The following ZNF689 variants were observed in gnomAD, a reference collection of about 807,000 sequenced individuals.
ZNF689 encodes zinc finger protein 689.
Under a neutral mutation model 37.2 loss-of-function variants are expected in ZNF689, and 14 were observed. That is an observed-to-expected ratio of 0.38 (90% confidence interval 0.25 to 0.59). The LOEUF (loss-of-function observed/expected upper bound fraction) is 0.59. Ranked by LOEUF, ZNF689 falls within the 20% of genes least tolerant of loss-of-function variation. ZNF689 has a pLI of 0.68. For synonymous variants in ZNF689, 277 were observed against 283.3 expected (o/e 0.98, Z 0.22); for missense variants, 573 against 700.2 (o/e 0.82, Z 2.05).
rs200344335 is a variant in ZNF689 at position 30,610,057 on chromosome 16, G to C, written c.-16C>G. On this transcript the variant is annotated 5_prime_UTR_variant, in exon 1 of 3. Coordinates refer to ENST00000287461, the MANE Select transcript of ZNF689 (RefSeq NM_138447.3). ...GTGGCGCCATGGGACCCGAGAAGCC[G>C]GCGCCACGGCCTTCCGTGTCCAGGC... The C allele has an allele frequency of 3.0e-4, 477 of 1,570,142 alleles. No homozygotes were observed. In the Middle Eastern group the frequency reaches 3.6e-3, roughly 12 times the overall value.
At position 30,605,096 on chromosome 16, in the gene ZNF689, T is replaced by C; in HGVS notation, c.671A>G (p.Gln224Arg). Residue 224 changes from glutamine (Q) to arginine (R), a missense_variant, in exon 3 of 3, where the codon CAG (glutamine) becomes CGG (arginine). Physicochemically the swap from Gln to Arg is conservative, Grantham distance 43. Coordinates refer to ENST00000287461, the MANE Select transcript of ZNF689 (RefSeq NM_138447.3). This position sits in a 1 kb window ranked among gnomAD's most constrained non-coding sequence, Gnocchi z 5.1. ...GGGCTTCTCCCCTGTATGGATGACCTGGTGCTGGGAGAGGTTCTTGCGCTG... is the reference window on the plus strand; with the variant it reads ...GGGCTTCTCCCCTGTATGGATGACCCGGTGCTGGGAGAGGTTCTTGCGCTG... ...FSQRKNLSQH[Q>R]VIHTGEKPYH... 1 of 1,614,036 alleles carries C rather than the reference T, an allele frequency of 6.2e-7. No individual in the cohort carries two copies. Among genetic ancestry groups the C allele is most frequent in the Non-Finnish European group, 8.5e-7 (1 of 1,180,006 alleles).
In ZNF689 at chr16:30,605,063, C is replaced by A; in HGVS notation, c.704G>T (p.Cys235Phe). Residue 235 changes from cysteine to phenylalanine, a missense_variant, in exon 3 of 3, where the codon TGC becomes TTC. This residue lies in a region of ZNF689 where 252 missense variants were observed against 313.3 expected (regional missense o/e 0.80). Coordinates refer to ENST00000287461, the MANE Select transcript of ZNF689 (RefSeq NM_138447.3). The surrounding 1 kb of genome is among the most constrained non-coding windows in gnomAD (Gnocchi z 5.1). Reference sequence around the variant, plus strand: ...CCGGAAGCAGCGACCACAGTCAGGGCAGTGATAGGGCTTCTCCCCTGTATG... The same window carrying A: ...CCGGAAGCAGCGACCACAGTCAGGGAAGTGATAGGGCTTCTCCCCTGTATG... ...VIHTGEKPYH[C>F]PDCGRCFRRS... The A allele has an allele frequency of 1.9e-6, 3 of 1,613,964 alleles. No individual in the cohort carries two copies. The highest frequency in any genetic ancestry group is 2.5e-6 in the Non-Finnish European group (3 of 1,179,894).
chr16:30,605,959 A>G lies in ZNF689; in HGVS notation c.320-512T>C, dbSNP rs2052032472. Among the ~76,000 whole-genome samples the G allele has an allele frequency of 6.6e-6, 1 of 152,092 alleles. No individual in the cohort carries two copies. Among genetic ancestry groups the G allele is most frequent in the African/African-American group, 2.4e-5 (1 of 41,420 alleles). On this transcript the variant is annotated intron_variant, in intron 2 of 2. Coordinates refer to ENST00000287461, the MANE Select transcript of ZNF689 (RefSeq NM_138447.3). This position sits in a 1 kb window ranked among gnomAD's most constrained non-coding sequence, Gnocchi z 5.1. ...AGAGCGAGATTCCATCTCAAAAAAAAAAAAAAAAGGAATATTTTTGAAGAG... is the reference window on the plus strand; with the variant it reads ...AGAGCGAGATTCCATCTCAAAAAAAGAAAAAAAAGGAATATTTTTGAAGAG...
At position 30,609,827 on chromosome 16, in the gene ZNF689, C is replaced by A; in HGVS notation, c.205+10G>T. ...TCGCGCCCCGCGGCAGCGGATGGGG[C>A]CGGCCTCACCGAGCGCGCCCAGGTG... On this transcript the variant is annotated intron_variant, in intron 1 of 2. Coordinates refer to ENST00000287461, the MANE Select transcript of ZNF689 (RefSeq NM_138447.3). 6.3e-7 allele frequency: 1 copy of A among 1,594,636 alleles called. No individual in the cohort carries two copies. Among genetic ancestry groups the A allele is most frequent in the Non-Finnish European group, 8.5e-7 (1 of 1,172,196 alleles).
In ZNF689 at chr16:30,604,840, G is replaced by A. The variant is rs2052019781; in HGVS notation, c.927C>T (p.Arg309=). The A allele has an allele frequency of 3.7e-6, 6 of 1,601,738 alleles. No individual in the cohort carries two copies. Among genetic ancestry groups the A allele is most frequent in the East Asian group, 2.2e-5 (1 of 44,720 alleles). The change falls in exon 3 of 3, where the codon CGC becomes CGT. Residue 309 remains arginine, a synonymous_variant. Transcript: ENST00000287461. This position sits in a 1 kb window ranked among gnomAD's most constrained non-coding sequence, Gnocchi z 5.2. ...GGTAGGGCTTCTCGCCCGTGTGGAT[G>A]CGCTGGTGGATGACGAGGGCCGTGC... ...RQRTALVIHQ[R]IHTGEKPYPC...
rs766436078 is a variant in ZNF689, at chr16:30,610,086, G to C, written c.-45C>G. The C allele has an allele frequency of 2.6e-6, 4 of 1,535,050 alleles. No homozygotes were observed. The highest frequency in any genetic ancestry group is 3.5e-6 in the Non-Finnish European group (4 of 1,140,870). On this transcript the variant is annotated 5_prime_UTR_variant, in exon 1 of 3. Coordinates refer to ENST00000287461, the MANE Select transcript of ZNF689 (RefSeq NM_138447.3). The stretch of plus-strand genomic sequence containing the variant: ...CCACGGCCTTCCGTGTCCAGGCCTC[G>C]GCCCTCGGGCGCTGGCGGCCCCTGG...
In ZNF689 at chr16:30,604,115, A is replaced by C; in HGVS notation, c.*149T>G. The C allele has an allele frequency of 1.2e-6, 1 of 865,136 alleles. No homozygotes were observed. The highest frequency in any genetic ancestry group is 1.4e-5 in the South Asian group (1 of 69,992). The allele number at this position is 865,136 out of a possible 1,614,324, so 53.6% of individuals were successfully genotyped here. A position where few individuals can be genotyped will look rare whatever the true frequency, so the allele number is the denominator to read the frequency against. On this transcript the variant is annotated 3_prime_UTR_variant, in exon 3 of 3. Transcript: ENST00000287461. The surrounding 1 kb of genome is among the most constrained non-coding windows in gnomAD (Gnocchi z 5.2). ...CTGTTCCAGACACGCACAGGGAGGC[A>C]GCCAGCGCATTGCAAGATACAAAGT... is the stretch of plus-strand genomic sequence containing the variant.
chr16:30,604,219 G>C lies in ZNF689; in HGVS notation c.*45C>G. 1 of 1,605,612 alleles carries C rather than the reference G, an allele frequency of 6.2e-7. No homozygotes were observed. Among genetic ancestry groups the C allele is most frequent in the Non-Finnish European group, 8.5e-7 (1 of 1,173,268 alleles). On this transcript the variant is annotated 3_prime_UTR_variant, in exon 3 of 3. Coordinates refer to ENST00000287461, the MANE Select transcript of ZNF689 (RefSeq NM_138447.3). This position sits in a 1 kb window ranked among gnomAD's most constrained non-coding sequence, Gnocchi z 5.2. ...CCTGGGGCTCCTCCTTCCCTTTTCT[G>C]GGACCCTCCATAAAATGAAATGAAC...
chr16:30,609,514 T>G lies in ZNF689; in HGVS notation c.319+11A>C. 1 of 1,612,382 alleles carries G rather than the reference T, an allele frequency of 6.2e-7. No individual in the cohort carries two copies. The highest frequency in any genetic ancestry group is 1.1e-5 in the South Asian group (1 of 91,034). The stretch of plus-strand genomic sequence containing the variant: ...AGGGCTGCAGGCTCTGCGTGGTTAT[T>G]TAGCACTCACTTCTCTGGACTGTTA... On this transcript the variant is annotated intron_variant, in intron 2 of 2. Transcript: ENST00000287461.
Position 30,604,009 on chromosome 16 carries a change from G to T in ZNF689, c.*255C>A. 1 of 653,070 alleles carries T rather than the reference G, an allele frequency of 1.5e-6. No individual in the cohort carries two copies. The highest frequency in any genetic ancestry group is 2.8e-6 in the Non-Finnish European group (1 of 354,568). 40.5% of individuals were successfully genotyped at this position (653,070 alleles called of 1,614,324 possible). A position where few individuals can be genotyped will look rare whatever the true frequency, so the allele number is the denominator to read the frequency against. ...CTAAAATAGATGGGGAGAACTTTTA[G>T]CCCTGATATCCACACAAACTATTTT... On this transcript the variant is annotated 3_prime_UTR_variant, in exon 3 of 3. Transcript: ENST00000287461. This position sits in a 1 kb window ranked among gnomAD's most constrained non-coding sequence, Gnocchi z 5.2.
At chr16:30,609,675 G>A (rs1258379385) in intron 1 of ZNF689, 37 bp from the exon 2 acceptor site, 2 of 1,613,276 alleles carry the variant, frequency 1.2e-6, no homozygotes, top group African/African-American at 2.7e-5. Context: ...CCAGCTCCTA[G>A]ATCACGCCGA....
Position 30,609,644 on chromosome 16 carries a change from G to T in ZNF689, c.206-6C>A, listed in dbSNP as rs770191144. The T allele has an allele frequency of 2.5e-6, 4 of 1,613,922 alleles. No individual in the cohort carries two copies. In the Admixed American group the frequency reaches 6.7e-5, roughly 27 times the overall value. ...TGGTTTGGGACCTGCGCACCCTGGG[G>T]AAAGAGAACAAATCAGAAGGCCAGC... On this transcript the variant is annotated splice_polypyrimidine_tract_variant and splice_region_variant and intron_variant, in intron 1 of 2. Transcript: ENST00000287461.
At chr16:30,606,870 A>G (rs2052041108) in intron 2 of ZNF689, among the ~76,000 whole-genome samples, 1 of 152,138 alleles carries the variant, frequency 6.6e-6, no homozygotes, top group Non-Finnish European at 1.5e-5. Flanking sequence ...ATATATTCTA[A>G]AGATCATTTT....
At chr16:30,607,463 C>T (rs918457196) in intron 2 of ZNF689, among the ~76,000 whole-genome samples, 5 of 150,678 alleles carry the variant, frequency 3.3e-5, no homozygotes, top group Admixed American at 1.3e-4. Context: ...TGCTGGCGGG[C>T]GCCTGTAATC....
chr16:30,609,359 T>C, intron 2 of ZNF689, 166 bp downstream of exon 2: 1 of 472,394 alleles, frequency 2.1e-6, no homozygotes, highest in Non-Finnish European at 3.9e-6. Flanking sequence ...CATAGGAATC[T>C]CTGTGTGGTG....
Position 30,603,785 on chromosome 16 carries a change from T to C in ZNF689, c.*479A>G, listed in dbSNP as rs2052004630. The C allele has an allele frequency of 3.2e-6, 1 of 307,782 alleles. No individual in the cohort carries two copies. Among genetic ancestry groups the C allele is most frequent in the African/African-American group, 2.2e-5 (1 of 46,062 alleles). The allele number at this position is 307,782 out of a possible 1,614,324, so 19.1% of individuals were successfully genotyped here. On this transcript the variant is annotated 3_prime_UTR_variant, in exon 3 of 3. Coordinates refer to ENST00000287461, the MANE Select transcript of ZNF689 (RefSeq NM_138447.3). ...CTGCCTTGTGAGGTAGTGAGCTCCC[T>C]GTCAAGAGAGATTTTCAAGCAATGG... is the stretch of plus-strand genomic sequence containing the variant.
chr16:30,607,945 G>C (rs1415982629), intron 2 of ZNF689, among the ~76,000 whole-genome samples: 2 of 152,178 alleles, frequency 1.3e-5, no homozygotes, highest in Non-Finnish European at 2.9e-5. Flanking sequence ...CTGGGCAACA[G>C]AGCAAGACTC....
rs781440592 is a variant in ZNF689, at chr16:30,604,212, C to T, written c.*52G>A. The T allele has an allele frequency of 1.9e-6, 3 of 1,602,234 alleles. No homozygotes were observed. The South Asian group carries it at 3.3e-5, about 18-fold the overall frequency. ...TGTATGACCTGGGGCTCCTCCTTCC[C>T]TTTTCTGGGACCCTCCATAAAATGA... On this transcript the variant is annotated 3_prime_UTR_variant, in exon 3 of 3. Transcript: ENST00000287461. This position sits in a 1 kb window ranked among gnomAD's most constrained non-coding sequence, Gnocchi z 5.2.
chr16:30,608,750 G>A (rs1567529045), intron 2 of ZNF689, among the ~76,000 whole-genome samples: 3 of 152,108 alleles, frequency 2.0e-5, no homozygotes, highest in Non-Finnish European at 2.9e-5. Flanking sequence ...TAACAACCTT[G>A]GCAAAAATTA....
Sources: allele counts gnomAD v4.1 joint callset (sites outside exome capture counted in the v4.1 genomes callset), GRCh38; gene constraint gnomAD v4.1.1; regional missense constraint gnomAD v4.1.1; non-coding constraint Gnocchi (gnomAD v3.1); transcripts MANE v1.5; gene names NCBI Gene and HGNC (gene_info 2026-07-23, HGNC 2026-07-21).